Variants in MED1 observed in about 807,000 individuals in gnomAD.
The protein encoded by MED1 is mediator complex subunit 1, also known as mediator of RNA polymerase II transcription subunit 1.
In MED1, 17 loss-of-function variants were observed where a neutral mutation model predicts 121.3. That is an observed-to-expected ratio of 0.14 (90% confidence interval 0.10 to 0.21). MED1 has a LOEUF of 0.21. Ranked by LOEUF, MED1 falls within the 10% of genes least tolerant of loss-of-function variation. MED1 has a pLI of 1.00. For synonymous variants in MED1, 661 were observed against 694.4 expected (o/e 0.95, Z 0.76); for missense variants, 1,558 against 1,919.4 (o/e 0.81, Z 3.52).
At chr17:39,439,297 C>T (rs2048649998) in intron 5 of MED1, 104 bp from the exon 6 acceptor site, 1 of 804,362 alleles carries the variant, frequency 1.2e-6, no homozygotes, top group Non-Finnish European at 1.9e-6. Context: ...TACAACAAAA[C>T]CATTAAAACT....
At chr17:39,432,051 T>C in intron 7 of MED1, 35 bp from the exon 8 acceptor site, 1 of 1,503,662 alleles carries the variant, frequency 6.7e-7, no homozygotes, top group Non-Finnish European at 9.2e-7. Context: ...GAGTTAATAG[T>C]TGAAAAATAT....
chr17:39,420,353 C>G (rs556318441), intron 13 of MED1, among the ~76,000 whole-genome samples: 2 of 151,888 alleles, frequency 1.3e-5, no homozygotes, highest in African/African-American at 4.8e-5. Flanking sequence ...GCACCCGCCA[C>G]CACGCCCGGC....
Position 39,410,463 on chromosome 17 carries a change from A to G in MED1, c.1758T>C (p.His586=). 6.2e-7 allele frequency: 1 copy of G among 1,614,062 alleles called. No homozygotes were observed. Among genetic ancestry groups the G allele is most frequent in the Non-Finnish European group, 8.5e-7 (1 of 1,179,982 alleles). ...FNMSMSIKDR[H]ESVGHGEDFS... is the part of the protein sequence containing the mutation. ...AGTCCTCCCCATGGCCCACCGACTC[A>G]TGCCGATCTTTGATGCTCATGCTCA... The change falls in exon 17 of 17, where the codon CAT becomes CAC. Residue 586 remains histidine (H), a synonymous_variant. Transcript: ENST00000300651.
In MED1 at chr17:39,405,192, C is replaced by A; in HGVS notation, c.*2283G>T. On this transcript the variant is annotated 3_prime_UTR_variant, in exon 17 of 17. Coordinates refer to ENST00000300651, the MANE Select transcript of MED1 (RefSeq NM_004774.4). Reference sequence around the variant, plus strand: ...TCCCTGGTTCTCAGGCAGGGTGAAGCAGTTTAGCCCCGGCTCCCTGTTAAG... The same window carrying A: ...TCCCTGGTTCTCAGGCAGGGTGAAGAAGTTTAGCCCCGGCTCCCTGTTAAG... The A allele has an allele frequency of 6.5e-7, 1 of 1,541,420 alleles. No homozygotes were observed. Among genetic ancestry groups the A allele is most frequent in the Non-Finnish European group, 8.8e-7 (1 of 1,140,644 alleles).
intron 6 of MED1, among the ~76,000 whole-genome samples, chr17:39,438,000 G>A (rs1204844284): frequency 1.3e-5 from 2 of 151,486 alleles, no homozygotes; most frequent in African/African-American, 2.4e-5. Flanking sequence ...AGCCGAGACC[G>A]CACCATTATA....
Position 39,408,714 on chromosome 17 carries a change from G to A in MED1, c.3507C>T (p.Ser1169=). Residue 1169 remains serine, a synonymous_variant, in exon 17 of 17, where the codon AGC becomes AGT. Coordinates refer to ENST00000300651, the MANE Select transcript of MED1 (RefSeq NM_004774.4). The surrounding 1 kb of genome is among the most constrained non-coding windows in gnomAD (Gnocchi z 4.7). The part of the protein sequence containing the change: ...TKHGLSSGSS[S]TKMKPQGKPS... Reference sequence around the variant, plus strand: ...GCTTTCCTTGAGGTTTCATCTTGGTGCTGCTAGAGCCACTGCTCAGTCCAT... The same window carrying A: ...GCTTTCCTTGAGGTTTCATCTTGGTACTGCTAGAGCCACTGCTCAGTCCAT... 6.2e-7 allele frequency: 1 copy of A among 1,614,220 alleles called. No individual in the cohort carries two copies. The highest frequency in any genetic ancestry group is 2.2e-5 in the East Asian group (1 of 44,884).
rs1371911638 is a variant in MED1, at chr17:39,408,285, A to G, written c.3936T>C (p.His1312=). The part of the protein sequence containing the change: ...SLTAVIDKLK[H]GVVTSGPGGE... ...CCCCAGGGCCACTGGTGACAACCCC[A>G]TGCTTCAGTTTATCTATGACAGCTG... The change falls in exon 17 of 17, where the codon CAT becomes CAC. Residue 1312 remains histidine, a synonymous_variant. Transcript: ENST00000300651. This position sits in a 1 kb window ranked among gnomAD's most constrained non-coding sequence, Gnocchi z 4.7. 9 of 1,614,024 alleles carry G rather than the reference A, an allele frequency of 5.6e-6. No homozygotes were observed. In the East Asian group the frequency reaches 1.8e-4, roughly 32 times the overall value.
Position 39,440,771 on chromosome 17 carries a change from T to C in MED1, c.212-94A>G, listed in dbSNP as rs1373257680. On this transcript the variant is annotated intron_variant, in intron 3 of 16. Coordinates refer to ENST00000300651, the MANE Select transcript of MED1 (RefSeq NM_004774.4). This position sits in a 1 kb window ranked among gnomAD's most constrained non-coding sequence, Gnocchi z 4.1. ...AGAAAGATTCATCCTTCCAAAACCG[T>C]AAACATATTCAGTAGTTCAAATGCT... 1 of 1,220,256 alleles carries C rather than the reference T, an allele frequency of 8.2e-7. No homozygotes were observed. The highest frequency in any genetic ancestry group is 1.2e-6 in the Non-Finnish European group (1 of 845,192). The allele number at this position is 1,220,256 out of a possible 1,614,324, so 75.6% of individuals were successfully genotyped here.
chr17:39,448,392 A>G (rs2048749241), intron 1 of MED1, among the ~76,000 whole-genome samples: 1 of 151,808 alleles, frequency 6.6e-6, no homozygotes, highest in African/African-American at 2.4e-5. Context: ...AAAGAAAAAA[A>G]TTAGCCAAGC....
intron 6 of MED1, among the ~76,000 whole-genome samples, chr17:39,435,986 C>T (rs570864254): frequency 8.2e-4 from 125 of 151,922 alleles, no homozygotes; most frequent in South Asian, 3.7e-3. Flanking sequence ...GCAGGAAAAT[C>T]GCTTGAACCC....
chr17:39,437,367 C>T (rs1452392463), intron 6 of MED1, among the ~76,000 whole-genome samples: 2 of 152,134 alleles, frequency 1.3e-5, no homozygotes, highest in Non-Finnish European at 2.9e-5. Context: ...CATGAGCCAC[C>T]GCCCCCAGCT....
At position 39,439,764 on chromosome 17, in the gene MED1, C is replaced by T. The variant is rs532833371; in HGVS notation, c.400-571G>A. ...ACCAGCCTGGCCAACATAGGGAAAC[C>T]CCGTCTCTACTAAAAATACAAAAAT... is the stretch of plus-strand genomic sequence containing the variant. On this transcript the variant is annotated intron_variant, in intron 5 of 16. Coordinates refer to ENST00000300651, the MANE Select transcript of MED1 (RefSeq NM_004774.4). Among the ~76,000 whole-genome samples, 296 of 151,852 alleles carry T rather than the reference C, an allele frequency of 1.9e-3. 2 individuals are homozygous for T. Among genetic ancestry groups the T allele is most frequent in the Non-Finnish European group, 3.4e-3 (229 of 67,966 alleles).
intron 16 of MED1, among the ~76,000 whole-genome samples, chr17:39,414,465 A>G (rs1232184228): frequency 6.7e-6 from 1 of 150,134 alleles, no homozygotes; most frequent in African/African-American, 2.5e-5. Flanking sequence ...CCTCCCTAGT[A>G]GCTGGGACTA....
At chr17:39,428,008 G>A (rs796331251) in intron 9 of MED1, among the ~76,000 whole-genome samples, 15 of 152,172 alleles carry the variant, frequency 9.9e-5, no homozygotes, top group African/African-American at 3.6e-4. Context: ...CTTGAGTCCA[G>A]GAGTTTGAGA....
chr17:39,451,112 C>T lies in MED1; in HGVS notation c.-50G>A. ...CCGCCACAAAAGGATAAGCCCTTCC[C>T]CACCACTAACGGAGGAAACAAGTTG... On this transcript the variant is annotated 5_prime_UTR_variant, in exon 1 of 17. Coordinates refer to ENST00000300651, the MANE Select transcript of MED1 (RefSeq NM_004774.4). The T allele has an allele frequency of 6.2e-7, 1 of 1,601,380 alleles. No individual in the cohort carries two copies. The highest frequency in any genetic ancestry group is 8.5e-7 in the Non-Finnish European group (1 of 1,173,370).
Position 39,407,988 on chromosome 17 carries a change from C to A in MED1, c.4233G>T (p.Gln1411His). 1 of 1,614,144 alleles carries A rather than the reference C, an allele frequency of 6.2e-7. No individual in the cohort carries two copies. The highest frequency in any genetic ancestry group is 8.5e-7 in the Non-Finnish European group (1 of 1,180,034). ...SPSIKAKVTL[Q>H]KPGESSGEGL... ...CTTCTCCACTACTTTCCCCAGGTTTCTGCAAAGTCACTTTGGCTTTAATGC... is the reference window on the plus strand; with the variant it reads ...CTTCTCCACTACTTTCCCCAGGTTTATGCAAAGTCACTTTGGCTTTAATGC... The change falls in exon 17 of 17, where the codon CAG becomes CAT. Residue 1411 changes from glutamine to histidine, a missense_variant. Gln to His is a conservative substitution (Grantham distance 24). Coordinates refer to ENST00000300651, the MANE Select transcript of MED1 (RefSeq NM_004774.4).
chr17:39,415,008 A>C lies in MED1; in HGVS notation c.1499+18T>G. 2 of 1,606,304 alleles carry C rather than the reference A, an allele frequency of 1.2e-6. No homozygotes were observed. Among genetic ancestry groups the C allele is most frequent in the Middle Eastern group, 1.7e-4 (1 of 6,046 alleles). On this transcript the variant is annotated intron_variant, in intron 16 of 16. Transcript: ENST00000300651. ...TACATCTCTAAATGGGACTCAGATG[A>C]AAAAGGGCCAAGGCTACCTTTGAAC... is the stretch of plus-strand genomic sequence containing the variant.
At chr17:39,420,790 T>TG (rs2048455850) in intron 13 of MED1, among the ~76,000 whole-genome samples, 1 of 92,848 alleles carries the variant, frequency 1.1e-5, no homozygotes, top group Non-Finnish European at 2.4e-5. Flanking sequence ...CACATGTGCC[T>TG]ATTTTTTTTT....
chr17:39,428,122 G>A (rs1171338284), intron 9 of MED1, among the ~76,000 whole-genome samples: 1 of 152,054 alleles, frequency 6.6e-6, no homozygotes, highest in Non-Finnish European at 1.5e-5. Flanking sequence ...GGTAAAGATG[G>A]TGAATCACCT....
Sources: allele counts gnomAD v4.1 joint callset (sites outside exome capture counted in the v4.1 genomes callset), GRCh38; gene constraint gnomAD v4.1.1; non-coding constraint Gnocchi (gnomAD v3.1); transcripts MANE v1.5; gene names NCBI Gene and HGNC (gene_info 2026-07-23, HGNC 2026-07-21).